Variants in HPGDS observed in about 807,000 individuals in gnomAD.
The protein encoded by HPGDS is GST class-sigma.
A neutral mutation model predicts 23.1 loss-of-function variants in HPGDS; 26 were observed. That is an observed-to-expected ratio of 1.13 (90% confidence interval 0.83 to 1.56). The LOEUF (loss-of-function observed/expected upper bound fraction) is 1.56, where lower values mean the gene tolerates loss of function less well. Among genes scored for constraint, HPGDS ranks in the 40% most tolerant of loss-of-function variants. The probability of loss-of-function intolerance (pLI) is 0.00; values close to 1 mark genes in which losing one functional copy is unlikely to be tolerated. For synonymous variants in HPGDS, 95 were observed against 77.9 expected, an observed-to-expected ratio of 1.22 and a Z score of -1.16; for missense variants, 268 against 236.4, an observed-to-expected ratio of 1.13 and a Z score of -0.88.
At chr4:94,324,766 C>A (rs563277921) in intron 2 of HPGDS, among the ~76,000 whole-genome samples, 1 of 152,204 alleles carries the variant, frequency 6.6e-6, no homozygotes, top group Non-Finnish European at 1.5e-5. Context: ...TATGTCAACT[C>A]GTCAAAGTCA....
intron 4 of HPGDS, among the ~76,000 whole-genome samples, chr4:94,307,656 G>C (rs1021619683): frequency 6.6e-6 from 1 of 152,154 alleles, no homozygotes; most frequent in Non-Finnish European, 1.5e-5. Context: ...AAGTCTCCTA[G>C]AGAGCGCTCC....
intron 2 of HPGDS, among the ~76,000 whole-genome samples, chr4:94,325,186 G>A (rs1027147683): frequency 6.6e-6 from 1 of 152,194 alleles, no homozygotes; most frequent in Non-Finnish European, 1.5e-5. Context: ...TGTATGAGGT[G>A]TCAGTCAGCC....
At chr4:94,328,605 AT>A (rs1300236594) in intron 2 of HPGDS, among the ~76,000 whole-genome samples, 2 of 152,232 alleles carry the variant, frequency 1.3e-5, no homozygotes, top group African/African-American at 4.8e-5. Context: ...ATTTTAATTG[AT>A]TTCTCATATA....
At chr4:94,299,755 T>C in intron 5 of HPGDS, 111 bp from the exon 6 acceptor site, 7 of 999,512 alleles carry the variant, frequency 7.0e-6, no homozygotes, top group Non-Finnish European at 1.0e-5. Flanking sequence ...AATCTTGTTA[T>C]TACAAAAGCA....
In HPGDS at chr4:94,341,825, C is replaced by A. The variant is rs558400863; in HGVS notation, c.-10+970G>T. Among the ~76,000 whole-genome samples the A allele has an allele frequency of 2.6e-4, 39 of 152,244 alleles. No homozygotes were observed. The South Asian group carries it at 7.9e-3, about 31-fold the overall frequency. ...CATGTTTACACTCCTATTATATAGACCCTGGTGTTCTGAAATGTAAAAATT... is the reference window on the plus strand; with the variant it reads ...CATGTTTACACTCCTATTATATAGAACCTGGTGTTCTGAAATGTAAAAATT... On this transcript the variant is annotated intron_variant, in intron 1 of 5. Transcript: ENST00000295256.
At chr4:94,331,948 C>G (rs1260710633) in intron 2 of HPGDS, among the ~76,000 whole-genome samples, 1 of 152,136 alleles carries the variant, frequency 6.6e-6, no homozygotes, top group East Asian at 1.9e-4. Flanking sequence ...ATAAGAAAAT[C>G]TATTCCTGTT....
In HPGDS at chr4:94,303,003, G is replaced by T. The variant is rs1452142411; in HGVS notation, c.337-759C>A. Among the ~76,000 whole-genome samples the T allele has an allele frequency of 3.3e-5, 5 of 152,074 alleles. No individual in the cohort carries two copies. The South Asian group carries it at 1.0e-3, about 32-fold the overall frequency. On this transcript the variant is annotated intron_variant, in intron 4 of 5. Coordinates refer to ENST00000295256, the MANE Select transcript of HPGDS (RefSeq NM_014485.3). ...ATATATAAGAATTCTGCCTGTTTGA[G>T]TCTTGGTTATGAAATAGAAGCCAAA...
At chr4:94,311,935 T>G (rs868406581) in intron 3 of HPGDS, among the ~76,000 whole-genome samples, 1,726 of 149,320 alleles carry the variant, frequency 0.012, 32 homozygotes, top group African/African-American at 0.04. Context: ...TAGAGGTGTT[T>G]ATAGTATTCT....
At chr4:94,318,234 T>A (rs1194534313) in intron 2 of HPGDS, among the ~76,000 whole-genome samples, 1 of 152,220 alleles carries the variant, frequency 6.6e-6, no homozygotes, top group African/African-American at 2.4e-5. Context: ...TACTGTATTT[T>A]ACATGCTTAC....
intron 2 of HPGDS, among the ~76,000 whole-genome samples, chr4:94,329,360 A>G (rs1162728322): frequency 6.6e-6 from 1 of 152,208 alleles, no homozygotes; most frequent in Non-Finnish European, 1.5e-5. Flanking sequence ...TCTTAGTTCT[A>G]TGAGCCATGT....
intron 2 of HPGDS, among the ~76,000 whole-genome samples, chr4:94,327,847 G>A (rs917613601): frequency 6.6e-6 from 1 of 152,218 alleles, no homozygotes; most frequent in Non-Finnish European, 1.5e-5. Flanking sequence ...GTGGGGGGAT[G>A]TCAGAAGGGC....
intron 2 of HPGDS, among the ~76,000 whole-genome samples, chr4:94,330,716 C>A (rs1429735107): frequency 2.0e-5 from 3 of 151,960 alleles, no homozygotes; most frequent in African/African-American, 4.8e-5. Flanking sequence ...ATTTATTTGT[C>A]CTATTTTTGT....
chr4:94,335,980 C>T lies in HPGDS; in HGVS notation c.-9-1342G>A, dbSNP rs202074932. Among the ~76,000 whole-genome samples the T allele has an allele frequency of 1.9e-4, 29 of 152,086 alleles. No homozygotes were observed. In the East Asian group the frequency reaches 4.3e-3, roughly 22 times the overall value. ...CAGAACTTTGGGAGGCCAAGGCAGG[C>T]GGATCACCTGAAGCCAGGAGTTCGA... On this transcript the variant is annotated intron_variant, in intron 1 of 5. Coordinates refer to ENST00000295256, the MANE Select transcript of HPGDS (RefSeq NM_014485.3).
At chr4:94,302,024 C>G (rs1756049792) in intron 5 of HPGDS, 122 bp downstream of exon 5, 2 of 534,784 alleles carry the variant, frequency 3.7e-6, no homozygotes, top group Admixed American at 3.0e-5. Context: ...GAAGTTTAAC[C>G]TTTGTTCTTG....
chr4:94,301,874 T>C (rs1057048958), intron 5 of HPGDS, among the ~76,000 whole-genome samples: 1 of 152,180 alleles, frequency 6.6e-6, no homozygotes. Context: ...GTGTGTTCTC[T>C]ATGCACCTCT....
At position 94,306,333 on chromosome 4, in the gene HPGDS, G is replaced by A. The variant is rs572393992; in HGVS notation, c.336+2301C>T. 1.3e-4 allele frequency among the ~76,000 whole-genome samples: 20 copies of A among 152,126 alleles called. No individual in the cohort carries two copies. In the South Asian group the frequency reaches 4.2e-3, roughly 32 times the overall value. ...AATTCTGCATAAAGATGAATAATTTGACAAATATATATCATTTTGCATTCA... is the reference window on the plus strand; with the variant it reads ...AATTCTGCATAAAGATGAATAATTTAACAAATATATATCATTTTGCATTCA... On this transcript the variant is annotated intron_variant, in intron 4 of 5. Coordinates refer to ENST00000295256, the MANE Select transcript of HPGDS (RefSeq NM_014485.3).
rs1560597992 is a variant in HPGDS at position 94,340,309 on chromosome 4, C to CTTTCTTTT, written c.-10+2485_-10+2486insAAAAGAAA. 6.3e-4 allele frequency among the ~76,000 whole-genome samples: 18 copies of CTTTCTTTT among 28,792 alleles called. 1 individual carries two copies. Among genetic ancestry groups the CTTTCTTTT allele is most frequent in the Admixed American group, 1.3e-3 (2 of 1,502 alleles). 18.9% of individuals were successfully genotyped at this position (28,792 alleles called of 152,430 possible). On this transcript the variant is annotated intron_variant, in intron 1 of 5. Transcript: ENST00000295256. ...TCTTTCTTTCTTTCTTTCTTTCTTT[C>CTTTCTTTT]TCTTTTTTTTTTTTTTTTTTTTTTT...
intron 2 of HPGDS, among the ~76,000 whole-genome samples, chr4:94,331,271 G>A (rs1756731211): frequency 6.6e-6 from 1 of 152,130 alleles, no homozygotes; most frequent in Non-Finnish European, 1.5e-5. Context: ...CTATTACAGT[G>A]TTCTTGTTTC....
At chr4:94,322,634 C>T (rs1756539142) in intron 2 of HPGDS, among the ~76,000 whole-genome samples, 1 of 152,026 alleles carries the variant, frequency 6.6e-6, no homozygotes, top group Non-Finnish European at 1.5e-5. Context: ...TTCATTGCAT[C>T]TATTTGATTC....
Sources: allele counts gnomAD v4.1 joint callset (sites outside exome capture counted in the v4.1 genomes callset), GRCh38; gene constraint gnomAD v4.1.1; transcripts MANE v1.5; gene names NCBI Gene and HGNC (gene_info 2026-07-23, HGNC 2026-07-21).